Variants in ARHGAP10 observed in about 807,000 individuals in gnomAD.
The protein encoded by ARHGAP10 is Rho GTPase activating protein 10, also known as rho GTPase-activating protein 10.
Under a neutral mutation model 108.6 loss-of-function variants are expected in ARHGAP10, and 87 were observed. The observed-to-expected ratio is 0.80, with a 90% CI of 0.67 to 0.96. ARHGAP10 has a LOEUF of 0.96. ARHGAP10 is among the 40% of genes least tolerant of loss of function. The pLI, the probability that ARHGAP10 is intolerant of heterozygous loss-of-function variation, is 0.00. For synonymous variants in ARHGAP10, 347 were observed against 341.1 expected, an observed-to-expected ratio of 1.02 and a Z score of -0.19; for missense variants, 939 against 954.5, an observed-to-expected ratio of 0.98 and a Z score of 0.21.
intron 18 of ARHGAP10, among the ~76,000 whole-genome samples, chr4:148,010,214 G>A (rs140444430): frequency 1.3e-5 from 2 of 152,246 alleles, no homozygotes; most frequent in South Asian, 2.1e-4. Context: ...ACATGATGTT[G>A]GAGATTCCAG....
At chr4:147,976,507 G>GC (rs1739601527) in intron 18 of ARHGAP10, among the ~76,000 whole-genome samples, 1 of 150,256 alleles carries the variant, frequency 6.7e-6, no homozygotes, top group African/African-American at 2.4e-5. Flanking sequence ...GACTTGTTTG[G>GC]CATTGCTATG....
At chr4:147,868,478 C>A (rs1734660349) in intron 7 of ARHGAP10, among the ~76,000 whole-genome samples, 1 of 152,130 alleles carries the variant, frequency 6.6e-6, no homozygotes, top group Non-Finnish European at 1.5e-5. Context: ...TCAAGTGATC[C>A]TCCTTCCTCA....
At chr4:147,985,289 G>A (rs1281980011) in intron 18 of ARHGAP10, among the ~76,000 whole-genome samples, 1 of 152,102 alleles carries the variant, frequency 6.6e-6, no homozygotes, top group African/African-American at 2.4e-5. Context: ...AGGAAAGATG[G>A]GTGGCTCAGG....
intron 7 of ARHGAP10, among the ~76,000 whole-genome samples, chr4:147,867,177 A>G (rs1038999964): frequency 1.3e-5 from 2 of 152,184 alleles, no homozygotes; most frequent in African/African-American, 4.8e-5. Flanking sequence ...TTGTTCCCAG[A>G]TAGGCTTATC....
In ARHGAP10 at chr4:147,822,776, G is replaced by A. The variant is rs148213515; in HGVS notation, c.204G>A (p.Lys68=). ...RKFAHSLRDF[K]FEFIGDAVTD... is the part of the protein sequence containing the mutation. Reference sequence around the variant, plus strand: ...TTGCTCATTCACTCAGAGACTTTAAGTTTGAGTTTATCGGTGATGCTGTGA... The same window carrying A: ...TTGCTCATTCACTCAGAGACTTTAAATTTGAGTTTATCGGTGATGCTGTGA... Residue 68 remains lysine (K), a synonymous_variant, in exon 2 of 23, where the codon AAG becomes AAA. Coordinates refer to ENST00000336498, the MANE Select transcript of ARHGAP10 (RefSeq NM_024605.4). The A allele has an allele frequency of 1.7e-4, 267 of 1,614,096 alleles. No individual in the cohort carries two copies. Among genetic ancestry groups the A allele is most frequent in the Non-Finnish European group, 2.0e-4 (241 of 1,180,048 alleles).
chr4:147,790,044 C>T (rs558862774), intron 1 of ARHGAP10, among the ~76,000 whole-genome samples: 77 of 147,656 alleles, frequency 5.2e-4, no homozygotes, highest in African/African-American at 1.8e-3. Context: ...CTCAGGCTGC[C>T]ATAACAAAAT....
At chr4:147,890,031 C>T (rs534902025) in intron 10 of ARHGAP10, among the ~76,000 whole-genome samples, 2 of 152,294 alleles carry the variant, frequency 1.3e-5, no homozygotes, top group South Asian at 4.1e-4. Context: ...TAGCACTGTT[C>T]CATTTATCAC....
chr4:148,004,043 G>A (rs1487318775), intron 18 of ARHGAP10, among the ~76,000 whole-genome samples: 1 of 138,364 alleles, frequency 7.2e-6, no homozygotes, highest in Non-Finnish European at 1.5e-5. Flanking sequence ...CTTTCTGTGA[G>A]GGTTTGGCAG....
At chr4:147,775,117 GTTGGCCAGGCTGGTC>G (rs1442097177) in intron 1 of ARHGAP10, among the ~76,000 whole-genome samples, 11 of 152,050 alleles carry the variant, frequency 7.2e-5, no homozygotes, top group African/African-American at 2.2e-4. Context: ...GTTTCACCAT[GTTGGCCAGGCTGGTC>G]TTGAACTCCT....
rs552060186 is a variant in ARHGAP10, at chr4:147,875,894, G to A, written c.832+744G>A. 9.2e-5 allele frequency among the ~76,000 whole-genome samples: 14 copies of A among 152,288 alleles called. No homozygotes were observed. In the South Asian group the frequency reaches 2.3e-3, roughly 25 times the overall value. ...CAGCTAAGTTCTTAACGTTTACTAC[G>A]TCAACTGTACAACCCAATTGCTAGT... On this transcript the variant is annotated intron_variant, in intron 8 of 22. Transcript: ENST00000336498.
intron 15 of ARHGAP10, among the ~76,000 whole-genome samples, chr4:147,954,624 A>G (rs1738722707): frequency 6.6e-6 from 1 of 151,976 alleles, no homozygotes; most frequent in South Asian, 2.1e-4. Flanking sequence ...ACAGACCGAC[A>G]CTTGTCTAGG....
chr4:147,868,306 T>A (rs952122479), intron 7 of ARHGAP10, among the ~76,000 whole-genome samples: 4 of 151,228 alleles, frequency 2.6e-5, no homozygotes, highest in African/African-American at 7.3e-5. Context: ...GCACAACCAC[T>A]GCTCACTGCA....
chr4:147,840,766 C>T (rs1334005228), intron 3 of ARHGAP10, among the ~76,000 whole-genome samples: 1 of 152,204 alleles, frequency 6.6e-6, no homozygotes, highest in Admixed American at 6.5e-5. Context: ...CAAATCCTAA[C>T]GGCGCTACTT....
At chr4:147,932,133 C>G (rs1474255143) in intron 13 of ARHGAP10, among the ~76,000 whole-genome samples, 1 of 152,048 alleles carries the variant, frequency 6.6e-6, no homozygotes, top group Non-Finnish European at 1.5e-5. Flanking sequence ...TCAAGCCAGT[C>G]AGAATGGCTA....
At chr4:147,906,455 T>C (rs546926450) in intron 10 of ARHGAP10, among the ~76,000 whole-genome samples, 183 bp from the exon 11 acceptor site, 1 of 152,348 alleles carries the variant, frequency 6.6e-6, no homozygotes, top group South Asian at 2.1e-4. Flanking sequence ...TTATGTAACA[T>C]TGTGAACATA....
intron 1 of ARHGAP10, among the ~76,000 whole-genome samples, chr4:147,799,553 C>A (rs944971194): frequency 2.0e-5 from 3 of 152,100 alleles, no homozygotes; most frequent in Non-Finnish European, 4.4e-5. Flanking sequence ...ATTCTGTTGT[C>A]TTTCCTCAAG....
chr4:148,035,059 T>A (rs186643975), intron 19 of ARHGAP10, among the ~76,000 whole-genome samples: 2 of 152,302 alleles, frequency 1.3e-5, no homozygotes, highest in East Asian at 3.9e-4. Context: ...TTGCAAGAGG[T>A]AGAGGTGGTT....
chr4:147,862,291 G>A (rs1413554536), intron 5 of ARHGAP10: 1 of 152,748 alleles, frequency 6.5e-6, no homozygotes, highest in African/African-American at 2.4e-5. Context: ...CAGGCGCCGG[G>A]AGCCGGGAGA....
intron 1 of ARHGAP10, among the ~76,000 whole-genome samples, chr4:147,784,881 A>AAT (rs1389253371): frequency 8.5e-6 from 1 of 118,074 alleles, no homozygotes; most frequent in Non-Finnish European, 1.6e-5. Context: ...ATATATTATA[A>AAT]ATATATTATA....
Sources: allele counts gnomAD v4.1 joint callset (sites outside exome capture counted in the v4.1 genomes callset), GRCh38; gene constraint gnomAD v4.1.1; transcripts MANE v1.5; gene names NCBI Gene and HGNC (gene_info 2026-07-23, HGNC 2026-07-21).